The following PPARG variants were observed in gnomAD, a reference collection of about 807,000 sequenced individuals.
PPARG encodes peroxisome proliferator activated receptor gamma.
A neutral mutation model predicts 39.2 loss-of-function variants in PPARG; 17 were observed. That is an observed-to-expected ratio of 0.43 (90% CI 0.30 to 0.65). PPARG has a LOEUF of 0.65. Among genes scored for constraint, PPARG ranks in the 30% least tolerant of loss-of-function variants. The pLI is 0.13. For synonymous variants in PPARG, 223 were observed against 215.7 expected (o/e 1.03, Z -0.30); for missense variants, 406 against 585.9 (o/e 0.69, Z 3.17).
At chr3:12,397,837 C>A (rs1335435475) in intron 5 of PPARG, among the ~76,000 whole-genome samples, 1 of 152,136 alleles carries the variant, frequency 6.6e-6, no homozygotes, top group African/African-American at 2.4e-5. Context: ...GCTGCCCTGT[C>A]CCTCTACCCT....
chr3:12,290,701 C>A (rs959698417), intron 1 of PPARG, among the ~76,000 whole-genome samples: 1 of 151,852 alleles, frequency 6.6e-6, no homozygotes, highest in Non-Finnish European at 1.5e-5. Flanking sequence ...CTTTTTTCTT[C>A]TGTAATTTTC....
intron 6 of PPARG, among the ~76,000 whole-genome samples, chr3:12,407,076 A>G: frequency 6.6e-6 from 1 of 152,188 alleles, no homozygotes; most frequent in East Asian, 1.9e-4. Flanking sequence ...GAATTATAGA[A>G]TAAAATTGTA....
chr3:12,399,541 C>T (rs1477069955), intron 5 of PPARG: 1 of 353,418 alleles, frequency 2.8e-6, no homozygotes, highest in Non-Finnish European at 5.5e-6. Context: ...GAGCCAAGAT[C>T]ACACTACTGT....
At chr3:12,410,590 G>C (rs903566273) in intron 6 of PPARG, among the ~76,000 whole-genome samples, 1 of 152,178 alleles carries the variant, frequency 6.6e-6, no homozygotes, top group Non-Finnish European at 1.5e-5. Flanking sequence ...GGGTTCCAAA[G>C]CATCACATTG....
At chr3:12,313,165 C>T (rs957254325) in intron 2 of PPARG, among the ~76,000 whole-genome samples, 13 of 152,230 alleles carry the variant, frequency 8.5e-5, no homozygotes, top group African/African-American at 2.6e-4. Flanking sequence ...TGAGCTATCA[C>T]AGAATAGCTC....
intron 6 of PPARG, among the ~76,000 whole-genome samples, chr3:12,414,799 A>G (rs1013538769): frequency 3.3e-5 from 5 of 152,332 alleles, no homozygotes; most frequent in African/African-American, 9.6e-5. Context: ...AGAGCCACCA[A>G]GTAAACCTGT....
chr3:12,311,647 G>A (rs377213556), intron 1 of PPARG, among the ~76,000 whole-genome samples: 16 of 151,366 alleles, frequency 1.1e-4, no homozygotes, highest in Non-Finnish European at 7.4e-5. Flanking sequence ...CGATGTTGGC[G>A]CTATTCAAGC....
intron 4 of PPARG, among the ~76,000 whole-genome samples, chr3:12,391,816 A>G (rs559334920): frequency 6.6e-6 from 1 of 152,232 alleles, no homozygotes; most frequent in Admixed American, 6.5e-5. Flanking sequence ...AGAATTAGCA[A>G]TTAAGTTTTA....
At chr3:12,314,235 C>T (rs2047328069) in intron 2 of PPARG, among the ~76,000 whole-genome samples, 1 of 152,054 alleles carries the variant, frequency 6.6e-6, no homozygotes, top group Non-Finnish European at 1.5e-5. Flanking sequence ...TGAGATCGCA[C>T]CACTGTACTA....
At chr3:12,298,223 C>G (rs13095372) in intron 1 of PPARG, among the ~76,000 whole-genome samples, 38,864 of 137,974 alleles carry the variant, frequency 0.28, 5,569 homozygotes, top group East Asian at 0.49. Flanking sequence ...GGCGTGAACC[C>G]GGGAGGCAGA....
At position 12,314,945 on chromosome 3, in the gene PPARG, A is replaced by G. The variant is rs898924534; in HGVS notation, c.-9+2492A>G. Among the ~76,000 whole-genome samples the G allele has an allele frequency of 1.2e-4, 19 of 152,234 alleles. 2 individuals are homozygous for G. The South Asian group carries it at 3.9e-3, about 32-fold the overall frequency. ...AAGTAGCATATCCATCACCTCAGACACTTATCATTTTTTTGTATTGGGAGC... is the reference window on the plus strand; with the variant it reads ...AAGTAGCATATCCATCACCTCAGACGCTTATCATTTTTTTGTATTGGGAGC... On this transcript the variant is annotated intron_variant, in intron 2 of 7. Transcript: ENST00000651735.
intron 2 of PPARG, among the ~76,000 whole-genome samples, chr3:12,358,967 C>G (rs75533895): frequency 0.012 from 1,809 of 152,286 alleles, 45 homozygotes; most frequent in African/African-American, 0.041. Context: ...GAATGACCAT[C>G]CAAATCTTGA....
At chr3:12,341,027 G>A (rs752332485) in intron 2 of PPARG, among the ~76,000 whole-genome samples, 26 of 151,924 alleles carry the variant, frequency 1.7e-4, no homozygotes, top group Non-Finnish European at 3.5e-4. Context: ...TACTAAAAAT[G>A]CAAAAATTAG....
intron 2 of PPARG, among the ~76,000 whole-genome samples, chr3:12,379,460 AC>A (rs2049542308): frequency 6.6e-6 from 1 of 152,220 alleles, no homozygotes; most frequent in African/African-American, 2.4e-5. Flanking sequence ...TTATATGGAT[AC>A]ACTGTATGTA....
At chr3:12,332,877 T>G (rs1169474240) in intron 2 of PPARG, among the ~76,000 whole-genome samples, 1 of 151,972 alleles carries the variant, frequency 6.6e-6, no homozygotes, top group African/African-American at 2.4e-5. Context: ...CAAAAAATTT[T>G]AAAAATTGGC....
intron 2 of PPARG, among the ~76,000 whole-genome samples, chr3:12,359,670 A>ATTTTTTT: frequency 7.7e-6 from 1 of 130,358 alleles, no homozygotes; most frequent in African/African-American, 2.9e-5. Flanking sequence ...TTACTCTTTT[A>ATTTTTTT]TTTCTTTTTT....
chr3:12,300,337 AT>A (rs1241414419), intron 1 of PPARG, among the ~76,000 whole-genome samples: 3 of 152,220 alleles, frequency 2.0e-5, no homozygotes, highest in Non-Finnish European at 4.4e-5. Context: ...CCACAGCTCA[AT>A]AAAAGCTGAG....
chr3:12,295,026 A>G (rs1039881186), intron 1 of PPARG, among the ~76,000 whole-genome samples: 1 of 152,214 alleles, frequency 6.6e-6, no homozygotes, highest in Non-Finnish European at 1.5e-5. Flanking sequence ...TCTGTGAATC[A>G]GCTAATAGGT....
chr3:12,390,203 C>T (rs1309359423), intron 4 of PPARG, among the ~76,000 whole-genome samples: 1 of 152,142 alleles, frequency 6.6e-6, no homozygotes. Context: ...GAAGAGACTA[C>T]AATTTTCATA....
Sources: gnomAD v4.1 joint callset for allele counts (sites outside exome capture counted in the v4.1 genomes callset) on GRCh38, gnomAD v4.1.1 for gene constraint, MANE v1.5 for transcripts, NCBI Gene and HGNC (gene_info 2026-07-23, HGNC 2026-07-21) for gene names.